CEP83: variants seen among roughly 807,000 people sequenced by gnomAD.
The protein encoded by CEP83 is centrosomal protein of 83 kDa.
Under a neutral mutation model 101.9 loss-of-function variants are expected in CEP83, and 70 were observed. The ratio of observed to expected loss-of-function variants is 0.69; its 90% CI spans 0.57 to 0.84. The LOEUF is 0.84. Among genes scored for constraint, CEP83 ranks in the 40% least tolerant of loss-of-function variants. CEP83 has a pLI of 0.00. For synonymous variants in CEP83, 264 were observed against 267.9 expected (o/e 0.99, Z 0.14); for missense variants, 715 against 787.2 (o/e 0.91, Z 1.10).
chr12:94,380,765 A>G (rs2061805404), intron 6 of CEP83, among the ~76,000 whole-genome samples: 1 of 152,188 alleles, frequency 6.6e-6, no homozygotes, highest in South Asian at 2.1e-4. Flanking sequence ...TAAAATCAAC[A>G]TTAACAATAA....
intron 11 of CEP83, among the ~76,000 whole-genome samples, chr12:94,348,889 C>T (rs1422702530): frequency 6.6e-6 from 1 of 152,184 alleles, no homozygotes; most frequent in Non-Finnish European, 1.5e-5. Flanking sequence ...CTGCCATAGT[C>T]ACCTGACCTC....
chr12:94,361,385 A>C (rs1356534353), intron 11 of CEP83: 1 of 152,166 alleles, frequency 6.6e-6, no homozygotes, highest in Non-Finnish European at 1.5e-5. Flanking sequence ...AGAGTAGAGG[A>C]CCACCAGAAT....
chr12:94,334,313 T>TC (rs1267528119), intron 12 of CEP83, among the ~76,000 whole-genome samples: 3 of 152,286 alleles, frequency 2.0e-5, no homozygotes, highest in Non-Finnish European at 4.4e-5. Flanking sequence ...ACAGCTTTTT[T>TC]TTCCATCCCA....
the CEP83 span, chr12:94,298,910 G>A: frequency 3.3e-4 from 333 of 1,004,762 alleles, 1 homozygote; most frequent in Middle Eastern, 4.4e-4. Context: ...AGAATCTTTG[G>A]GCTTGGTAAG....
chr12:94,367,827 TCTGCCATCTGTGAAGC>T lies in CEP83; in HGVS notation c.1294_1309del (p.Ala432LysfsTer13). 1 of 1,613,406 alleles carries T rather than the reference TCTGCCATCTGTGAAGC, an allele frequency of 6.2e-7. No individual in the cohort carries two copies. Among genetic ancestry groups the T allele is most frequent in the Non-Finnish European group, 8.5e-7 (1 of 1,179,764 alleles). ...CTGAAGCTCCTTCCTGGTGATCTCT[TCTGCCATCTGTGAAGC>T]CCGCAATTTCTCTTCATACTGATCC... On this transcript the variant is annotated frameshift_variant, in exon 11 of 17. Coordinates refer to ENST00000397809, the MANE Select transcript of CEP83 (RefSeq NM_016122.3). LOFTEE classifies it high-confidence loss of function.
At chr12:94,429,296 T>C (rs2065440982) in intron 2 of CEP83, among the ~76,000 whole-genome samples, 1 of 152,066 alleles carries the variant, frequency 6.6e-6, no homozygotes, top group Non-Finnish European at 1.5e-5. Context: ...CCACCATGGA[T>C]ACTTGCAATC....
intron 1 of CEP83, among the ~76,000 whole-genome samples, chr12:94,447,085 G>A (rs2066863645): frequency 6.6e-6 from 1 of 152,156 alleles, no homozygotes. Context: ...CAGCAAAACT[G>A]CCCTTCAAAA....
chr12:94,423,875 G>A lies in CEP83; in HGVS notation c.-101-11284C>T. On this transcript the variant is annotated intron_variant, in intron 2 of 16. Coordinates refer to ENST00000397809, the MANE Select transcript of CEP83 (RefSeq NM_016122.3). ...CACAGGGGTGTACTGGGAGATGTAA[G>A]CTCCTTGCATAGCTGCAGCCGTCAG... 3.1e-6 allele frequency: 5 copies of A among 1,612,268 alleles called. No individual in the cohort carries two copies. In the Admixed American group the frequency reaches 5.0e-5, roughly 16 times the overall value.
At chr12:94,353,681 C>A (rs1043954928) in intron 11 of CEP83, among the ~76,000 whole-genome samples, 9 of 151,220 alleles carry the variant, frequency 6.0e-5, no homozygotes, top group African/African-American at 2.2e-4. Context: ...GCTGCCTAAA[C>A]ACAACTCACT....
At chr12:94,441,647 G>A (rs1566218351) in intron 1 of CEP83, among the ~76,000 whole-genome samples, 2 of 152,196 alleles carry the variant, frequency 1.3e-5, no homozygotes. Flanking sequence ...TGGGCGTTGT[G>A]GCTCACGCCT....
intron 6 of CEP83, among the ~76,000 whole-genome samples, chr12:94,394,713 T>C (rs556965704): frequency 1.3e-5 from 2 of 152,118 alleles, no homozygotes; most frequent in South Asian, 4.2e-4. Flanking sequence ...AGAAAATTTT[T>C]ACAATCTACT....
chr12:94,456,207 T>C (rs539644645), intron 1 of CEP83, among the ~76,000 whole-genome samples: 1 of 152,284 alleles, frequency 6.6e-6, no homozygotes, highest in Admixed American at 6.5e-5. Flanking sequence ...CACTGAAGAA[T>C]AGTGCCAGCA....
intron 14 of CEP83, among the ~76,000 whole-genome samples, chr12:94,331,302 A>AAAAAAAGAAAG (rs1555220980): frequency 1.4e-4 from 17 of 125,114 alleles, no homozygotes; most frequent in African/African-American, 5.6e-4. Flanking sequence ...AAAAAAAAAA[A>AAAAAAAGAAAG]AAAAAAAAAA....
chr12:94,442,422 G>A (rs1225885409), intron 1 of CEP83, among the ~76,000 whole-genome samples: 2 of 152,134 alleles, frequency 1.3e-5, no homozygotes, highest in Non-Finnish European at 2.9e-5. Context: ...AGTGTACACT[G>A]CTCAAGTGAT....
chr12:94,372,162 T>C (rs983737135), intron 8 of CEP83, among the ~76,000 whole-genome samples: 6 of 151,946 alleles, frequency 3.9e-5, no homozygotes, highest in Admixed American at 2.6e-4. Flanking sequence ...TTAGTAGAGA[T>C]GGGGTTTCAC....
chr12:94,433,463 T>C (rs1408467673), intron 2 of CEP83, among the ~76,000 whole-genome samples: 5 of 152,010 alleles, frequency 3.3e-5, no homozygotes, highest in Non-Finnish European at 7.4e-5. Context: ...GGCAGATGCC[T>C]TGAGCTCAGG....
At chr12:94,357,519 A>G (rs2060537128) in intron 11 of CEP83, among the ~76,000 whole-genome samples, 1 of 152,196 alleles carries the variant, frequency 6.6e-6, no homozygotes, top group African/African-American at 2.4e-5. Flanking sequence ...GCCATGAGGG[A>G]GCCGTCTCGG....
At position 94,342,509 on chromosome 12, in the gene CEP83, C is replaced by T. The variant is rs1391836049; in HGVS notation, c.1344-6845G>A. The stretch of plus-strand genomic sequence containing the variant: ...ACTAAGTAAAATGAAGGAAAAAATA[C>T]CAAATCCCAGCAAGTGATCTCTCCC... On this transcript the variant is annotated intron_variant, in intron 11 of 16. Transcript: ENST00000397809. Among the ~76,000 whole-genome samples, 6 of 152,222 alleles carry T rather than the reference C, an allele frequency of 3.9e-5. No individual in the cohort carries two copies. In the East Asian group the frequency reaches 9.6e-4, roughly 24 times the overall value.
the CEP83 span, among the ~76,000 whole-genome samples, chr12:94,286,761 T>C: frequency 6.6e-6 from 1 of 152,160 alleles, no homozygotes; most frequent in South Asian, 2.1e-4. Context: ...TTCCTCCTAC[T>C]ATCTAAACAA....
Sources: gnomAD v4.1 joint callset for allele counts (sites outside exome capture counted in the v4.1 genomes callset) on GRCh38, gnomAD v4.1.1 for gene constraint, MANE v1.5 for transcripts, NCBI Gene and HGNC (gene_info 2026-07-23, HGNC 2026-07-21) for gene names.